The following PARD3 variants were observed in gnomAD, a reference collection of about 807,000 sequenced individuals.
PARD3 encodes the protein par-3 family cell polarity regulator.
In PARD3, 75 loss-of-function variants were observed where a neutral mutation model predicts 155.4. The observed-to-expected ratio is 0.48, with a 90% CI of 0.40 to 0.58. PARD3 has a LOEUF of 0.58. PARD3 is among the 20% of genes least tolerant of loss of function. The probability of loss-of-function intolerance (pLI) is 0.00; values close to 1 mark genes in which losing one functional copy is unlikely to be tolerated. For missense variants in PARD3, 1,642 were observed against 1,721.7 expected (o/e 0.95, Z 0.82); for synonymous variants, 576 against 610.5 (o/e 0.94, Z 0.83).
At chr10:34,313,751 G>A (rs1227504402) in intron 20 of PARD3, among the ~76,000 whole-genome samples, 1 of 152,140 alleles carries the variant, frequency 6.6e-6, no homozygotes, top group Non-Finnish European at 1.5e-5. Context: ...GTATGAGTGG[G>A]AGTTGCAGGG....
chr10:34,730,167 C>G (rs2094791540), intron 1 of PARD3, among the ~76,000 whole-genome samples: 1 of 152,148 alleles, frequency 6.6e-6, no homozygotes, highest in Non-Finnish European at 1.5e-5. Flanking sequence ...TATACATCTT[C>G]TCCCTCATGA....
intron 3 of PARD3, among the ~76,000 whole-genome samples, chr10:34,477,602 A>T (rs1201258257): frequency 2.0e-5 from 3 of 152,204 alleles, no homozygotes; most frequent in Non-Finnish European, 4.4e-5. Flanking sequence ...ATTAGAGCAA[A>T]TACCAAAGGG....
intron 2 of PARD3, among the ~76,000 whole-genome samples, chr10:34,518,633 T>C (rs1001084087): frequency 2.6e-5 from 4 of 152,170 alleles, no homozygotes; most frequent in African/African-American, 9.7e-5. Context: ...ATGATATAAA[T>C]AATTGAACAA....
intron 2 of PARD3, among the ~76,000 whole-genome samples, chr10:34,554,872 G>A (rs988834539): frequency 3.9e-5 from 6 of 152,042 alleles, no homozygotes; most frequent in Non-Finnish European, 5.9e-5. Context: ...CCTAGACATC[G>A]AATACTAAAA....
chr10:34,305,544 G>A (rs1186225457), intron 20 of PARD3, among the ~76,000 whole-genome samples: 1 of 152,202 alleles, frequency 6.6e-6, no homozygotes, highest in Non-Finnish European at 1.5e-5. Context: ...GACATGAAAG[G>A]GCAATTTTAA....
At chr10:34,120,004 A>ATTTTTTTTTTTTTTTTTT (rs1185067110) in intron 23 of PARD3, among the ~76,000 whole-genome samples, 2 of 73,824 alleles carry the variant, frequency 2.7e-5, no homozygotes, top group African/African-American at 1.2e-4. Flanking sequence ...GTCTTCTTTA[A>ATTTTTTTTTTTTTTTTTT]TTTTTTTTTT....
intron 14 of PARD3, among the ~76,000 whole-genome samples, chr10:34,353,959 A>C (rs1449170417): frequency 6.6e-6 from 1 of 151,662 alleles, no homozygotes; most frequent in Non-Finnish European, 1.5e-5. Flanking sequence ...GAAAACAAAC[A>C]ATGATGGTTT....
chr10:34,371,531 A>AAAAAAAAAAAAAAAAT (rs1840653616), intron 12 of PARD3, among the ~76,000 whole-genome samples: 1 of 66,472 alleles, frequency 1.5e-5, no homozygotes, highest in Non-Finnish European at 2.6e-5. Context: ...AAAAAAAAAA[A>AAAAAAAAAAAAAAAAT]ACAACGAAGG....
At chr10:34,466,331 A>G (rs1170071555) in intron 4 of PARD3, among the ~76,000 whole-genome samples, 1 of 152,154 alleles carries the variant, frequency 6.6e-6, no homozygotes. Flanking sequence ...GTGGAATGAG[A>G]TTATGACCAC....
chr10:34,592,378 C>T (rs560498946), intron 2 of PARD3, among the ~76,000 whole-genome samples: 7 of 152,296 alleles, frequency 4.6e-5, no homozygotes, highest in South Asian at 2.1e-4. Flanking sequence ...GACTGAATAA[C>T]TGACATTTCC....
chr10:34,413,186 TATAA>T (rs1241746997), intron 5 of PARD3, among the ~76,000 whole-genome samples: 130 of 137,712 alleles, frequency 9.4e-4, no homozygotes, highest in Non-Finnish European at 1.4e-3. Flanking sequence ...CACACATATA[TATAA>T]GACTTTGTAA....
At chr10:34,371,144 G>C (rs1341628530) in intron 12 of PARD3, among the ~76,000 whole-genome samples, 1 of 151,778 alleles carries the variant, frequency 6.6e-6, no homozygotes, top group Non-Finnish European at 1.5e-5. Flanking sequence ...CACAATTATT[G>C]TCTTTTCAAA....
intron 2 of PARD3, among the ~76,000 whole-genome samples, chr10:34,612,731 C>T (rs1340512471): frequency 6.6e-6 from 1 of 152,148 alleles, no homozygotes; most frequent in African/African-American, 2.4e-5. Context: ...GTACCAGACA[C>T]AATGAATAAA....
intron 19 of PARD3, among the ~76,000 whole-genome samples, chr10:34,320,493 G>A (rs753884815): frequency 2.0e-5 from 3 of 152,156 alleles, no homozygotes; most frequent in Non-Finnish European, 2.9e-5. Context: ...TATCAGTAGC[G>A]ATTCTGTTAG....
chr10:34,606,631 G>A (rs1414524028), intron 2 of PARD3, among the ~76,000 whole-genome samples: 45 of 93,734 alleles, frequency 4.8e-4, no homozygotes, highest in African/African-American at 1.7e-3. Flanking sequence ...TGAGACCCCC[G>A]TGTCTTCAAA....
At chr10:34,296,743 T>C (rs1024121628) in intron 20 of PARD3, among the ~76,000 whole-genome samples, 2 of 152,104 alleles carry the variant, frequency 1.3e-5, no homozygotes, top group African/African-American at 4.8e-5. Context: ...GATATAAAAG[T>C]ATCAAAGCAT....
rs1381089006 is a variant in PARD3 at position 34,762,430 on chromosome 10, C to T, written c.120+52446G>A. On this transcript the variant is annotated intron_variant, in intron 1 of 24. Transcript: ENST00000374788. ...CACCTCAGCCTTCCTCCCATCCCAG[C>T]CTTCAGCTGGGAACACAGACACATG... 3.3e-5 allele frequency among the ~76,000 whole-genome samples: 5 copies of T among 150,994 alleles called. 1 individual carries two copies. The highest frequency in any genetic ancestry group is 1.2e-4 in the African/African-American group (5 of 41,122).
chr10:34,220,351 A>T (rs1952214953), intron 22 of PARD3, among the ~76,000 whole-genome samples: 1 of 152,214 alleles, frequency 6.6e-6, no homozygotes, highest in African/African-American at 2.4e-5. Flanking sequence ...TTGCACTTTC[A>T]TCTCCGGAAG....
intron 3 of PARD3, among the ~76,000 whole-genome samples, chr10:34,511,156 A>G (rs776959656): frequency 2.0e-5 from 3 of 152,138 alleles, no homozygotes; most frequent in Non-Finnish European, 4.4e-5. Flanking sequence ...GACTAGGCTG[A>G]TTGCACCCCT....
Sources: allele counts gnomAD v4.1 joint callset (sites outside exome capture counted in the v4.1 genomes callset), GRCh38; gene constraint gnomAD v4.1.1; transcripts MANE v1.5; gene names NCBI Gene and HGNC (gene_info 2026-07-23, HGNC 2026-07-21).